Variants in SPPL2B observed in about 807,000 individuals in gnomAD.
SPPL2B encodes signal peptide peptidase-like 2B.
SPPL2B carries 39 observed loss-of-function variants against 59.7 expected under a neutral mutation model. The observed-to-expected ratio is 0.65, with a 90% confidence interval of 0.51 to 0.85. The LOEUF (loss-of-function observed/expected upper bound fraction) is 0.85. Among genes scored for constraint, SPPL2B ranks in the 40% least tolerant of loss-of-function variants. The pLI is 0.00. For synonymous variants in SPPL2B, 419 were observed against 370.8 expected, an observed-to-expected ratio of 1.13 and a Z score of -1.49; for missense variants, 865 against 849.0, an observed-to-expected ratio of 1.02 and a Z score of -0.23.
At position 2,339,799 on chromosome 19, in the gene SPPL2B, C is replaced by T. The variant is rs745339575; in HGVS notation, c.600-25C>T. ...GTGTCGGCCAGCCGGCCCCAGGGCC[C>T]CACGACCCCATGGTGTCTCCCAAGA... On this transcript the variant is annotated intron_variant, in intron 5 of 14. Coordinates refer to ENST00000613503, the MANE Select transcript of SPPL2B (RefSeq NM_152988.3). 5.6e-5 allele frequency: 89 copies of T among 1,597,672 alleles called. 1 individual carries two copies. The highest frequency in any genetic ancestry group is 4.2e-4 in the South Asian group (37 of 88,314).
At chr19:2,329,835 C>G (rs1449873009) in intron 1 of SPPL2B, among the ~76,000 whole-genome samples, 1 of 152,230 alleles carries the variant, frequency 6.6e-6, no homozygotes, top group East Asian at 1.9e-4. Flanking sequence ...AAGCCTGCAG[C>G]TCATTGCAGT....
intron 14 of SPPL2B, 29 bp from the exon 15 acceptor site, chr19:2,352,917 G>C (rs572300654): frequency 6.2e-7 from 1 of 1,610,906 alleles, no homozygotes; most frequent in East Asian, 2.2e-5. Context: ...CCCTGTCTCC[G>C]CCTCACCTCT....
At position 2,332,771 on chromosome 19, in the gene SPPL2B, G is replaced by A. The variant is rs1366703688; in HGVS notation, c.67-1831G>A. ...TCCCTGTGCAGGCCGGGCTCCCCTGGGGGCCCACACTGAGGGTCTGCAGTG... is the reference window on the plus strand; with the variant it reads ...TCCCTGTGCAGGCCGGGCTCCCCTGAGGGCCCACACTGAGGGTCTGCAGTG... On this transcript the variant is annotated intron_variant, in intron 1 of 14. Transcript: ENST00000613503. This position sits in a 1 kb window ranked among gnomAD's most constrained non-coding sequence, Gnocchi z 4.6. Among the ~76,000 whole-genome samples the A allele has an allele frequency of 6.6e-6, 1 of 152,190 alleles. No homozygotes were observed. The highest frequency in any genetic ancestry group is 1.5e-5 in the Non-Finnish European group (1 of 68,030).
chr19:2,340,999 TC>T lies in SPPL2B; in HGVS notation c.943del (p.Arg315AlafsTer23). On this transcript the variant is annotated frameshift_variant, in exon 8 of 15. Coordinates refer to ENST00000613503, the MANE Select transcript of SPPL2B (RefSeq NM_152988.3). LOFTEE classifies it high-confidence loss of function. ...GCCGTCAGCGTGGTGTGGGGCGTCT[TC>T]CGCAACGAGGACCAGTAAGTGCTGC... ...CVAVSVVWGV[F>X]RNEDQWAWVL... The T allele has an allele frequency of 6.2e-7, 1 of 1,604,164 alleles. No individual in the cohort carries two copies. The highest frequency in any genetic ancestry group is 1.1e-5 in the South Asian group (1 of 91,070).
At chr19:2,349,719 C>G (rs569907384) in intron 13 of SPPL2B, among the ~76,000 whole-genome samples, 1 of 141,764 alleles carries the variant, frequency 7.1e-6, no homozygotes, top group African/African-American at 2.9e-5. Context: ...CTCGTGTTCT[C>G]ATTCGCTTGA....
chr19:2,344,744 C>G, intron 12 of SPPL2B, 92 bp downstream of exon 12: 1 of 810,554 alleles, frequency 1.2e-6, no homozygotes, highest in Admixed American at 2.0e-5. Flanking sequence ...GCCCGCACAC[C>G]GTCGGCTGGA....
rs1568456698 is a variant in SPPL2B, at chr19:2,351,611, TCTGA to T, written c.1515+21_1515+24del. On this transcript the variant is annotated intron_variant, in intron 14 of 14. Transcript: ENST00000613503. ...GGCTTTGCGGTGAATACCAGTTTGC[TCTGA>T]CTGTGAGAAATACTCGCCTAGTGAG... The T allele has an allele frequency of 1.3e-6, 2 of 1,596,134 alleles. No individual in the cohort carries two copies. Among genetic ancestry groups the T allele is most frequent in the East Asian group, 2.2e-5 (1 of 44,462 alleles).
At chr19:2,335,874 G>A (rs534804218) in intron 2 of SPPL2B, among the ~76,000 whole-genome samples, 11 of 152,370 alleles carry the variant, frequency 7.2e-5, no homozygotes, top group Admixed American at 2.6e-4. Context: ...GTGTGAGCAC[G>A]TGTGTAATCA....
At chr19:2,338,654 C>A in intron 3 of SPPL2B, 98 bp from the exon 4 acceptor site, 1 of 796,064 alleles carries the variant, frequency 1.3e-6, no homozygotes, top group Non-Finnish European at 2.0e-6. Context: ...ACCCGAGCCT[C>A]GAGTGAGGGT....
chr19:2,336,275 TGC>T (rs1968606636), intron 2 of SPPL2B, among the ~76,000 whole-genome samples: 5 of 68,616 alleles, frequency 7.3e-5, no homozygotes, highest in African/African-American at 3.8e-4. Flanking sequence ...GATGTGTGAG[TGC>T]ATGTGTGTCT....
chr19:2,346,094 T>C (rs1482600875), intron 13 of SPPL2B, among the ~76,000 whole-genome samples: 2 of 152,288 alleles, frequency 1.3e-5, no homozygotes, highest in Non-Finnish European at 2.9e-5. Context: ...AAAGTGCTGT[T>C]ATCTGTTGAC....
At chr19:2,343,764 A>G (rs1313090956) in intron 9 of SPPL2B, among the ~76,000 whole-genome samples, 2 of 152,124 alleles carry the variant, frequency 1.3e-5, no homozygotes, top group East Asian at 1.9e-4. Flanking sequence ...TGGAGACTCT[A>G]AAAGCCTGAC....
intron 9 of SPPL2B, 125 bp downstream of exon 9, chr19:2,343,417 C>T (rs1175611756): frequency 1.4e-5 from 11 of 814,298 alleles, no homozygotes; most frequent in Non-Finnish European, 2.2e-5. Context: ...TGGGGATGGC[C>T]GCCTAGGCCT....
chr19:2,340,082 T>C lies in SPPL2B; in HGVS notation c.749T>C (p.Val250Ala). 1 of 1,594,006 alleles carries C rather than the reference T, an allele frequency of 6.3e-7. No homozygotes were observed. Among genetic ancestry groups the C allele is most frequent in the Non-Finnish European group, 8.5e-7 (1 of 1,174,804 alleles). ...CACGGCCCTGCCCCTGCAGTGTACG[T>C]GGTCATCGGGATCTTCTGCCTGGCC... ...LYYFYDLLVY[V>A]VIGIFCLASA... The change falls in exon 7 of 15, where the codon GTG becomes GCG. Residue 250 changes from valine to alanine, a missense_variant. Transcript: ENST00000613503.
At chr19:2,341,343 C>T (rs1212519960) in intron 8 of SPPL2B, 3 of 536,664 alleles carry the variant, frequency 5.6e-6, no homozygotes, top group African/African-American at 1.9e-5. Context: ...CCCGCTGTCC[C>T]TTTCCTGGCA....
chr19:2,350,291 TCA>T (rs1240000943), intron 13 of SPPL2B, among the ~76,000 whole-genome samples: 5 of 109,538 alleles, frequency 4.6e-5, no homozygotes, highest in South Asian at 3.1e-4. Context: ...CTCCACACAC[TCA>T]CGCGCTGTCA....
chr19:2,337,812 G>A (rs1599212540), intron 3 of SPPL2B, 187 bp downstream of exon 3: 11 of 604,782 alleles, frequency 1.8e-5, no homozygotes, highest in Non-Finnish European at 2.5e-5. Flanking sequence ...TGGGGAGGGC[G>A]GAGATGAGTC....
chr19:2,344,460 G>A, intron 11 of SPPL2B, 36 bp downstream of exon 11: 1 of 1,570,954 alleles, frequency 6.4e-7, no homozygotes, highest in South Asian at 1.2e-5. Context: ...AGGTTGCCAT[G>A]GGTCAAGGTG....
intron 8 of SPPL2B, chr19:2,342,054 C>T (rs183443424): frequency 3.6e-4 from 56 of 156,416 alleles, no homozygotes; most frequent in African/African-American, 5.5e-4. Context: ...GCAGCCGCCC[C>T]GCCCTGGAGA....
Sources: allele counts gnomAD v4.1 joint callset (sites outside exome capture counted in the v4.1 genomes callset), GRCh38; gene constraint gnomAD v4.1.1; non-coding constraint Gnocchi (gnomAD v3.1); transcripts MANE v1.5; gene names NCBI Gene and HGNC (gene_info 2026-07-23, HGNC 2026-07-21).